The following NRXN1 variants were observed in gnomAD, a reference collection of about 807,000 sequenced individuals.
NRXN1 encodes neurexin-1.
A neutral mutation model predicts 150.9 loss-of-function variants in NRXN1; 39 were observed. That is an observed-to-expected ratio of 0.26 (90% CI 0.20 to 0.34). The LOEUF is 0.34. Among genes scored for constraint, NRXN1 ranks in the 10% least tolerant of loss-of-function variants. The probability of loss-of-function intolerance (pLI) is 1.00; values close to 1 mark genes in which losing one functional copy is unlikely to be tolerated. For synonymous variants in NRXN1, 924 were observed against 757.0 expected (o/e 1.22, Z -3.62); for missense variants, 1,815 against 1,949.9 (o/e 0.93, Z 1.30).
intron 17 of NRXN1, among the ~76,000 whole-genome samples, chr2:50,381,988 C>T (rs2081004492): frequency 6.6e-6 from 1 of 152,064 alleles, no homozygotes; most frequent in African/African-American, 2.4e-5. Flanking sequence ...GTTATTTAGT[C>T]TGACCAACCA....
At chr2:50,627,563 G>A (rs1020933707) in intron 5 of NRXN1, among the ~76,000 whole-genome samples, 7 of 149,786 alleles carry the variant, frequency 4.7e-5, no homozygotes, top group African/African-American at 1.7e-4. Flanking sequence ...AATTCTACAT[G>A]ATGAAGGATT....
At chr2:51,005,489 AG>A (rs1326299092) in intron 2 of NRXN1, among the ~76,000 whole-genome samples, 1 of 152,030 alleles carries the variant, frequency 6.6e-6, no homozygotes, top group African/African-American at 2.4e-5. Flanking sequence ...AATATTTAAC[AG>A]ATAAGCAAGA....
At chr2:50,701,464 C>G (rs1290922293) in intron 5 of NRXN1, among the ~76,000 whole-genome samples, 1 of 152,160 alleles carries the variant, frequency 6.6e-6, no homozygotes, top group South Asian at 2.1e-4. Context: ...CATCAAGGCT[C>G]AGGAAAATTA....
At chr2:50,040,338 T>C (rs944708030) in intron 21 of NRXN1, among the ~76,000 whole-genome samples, 31 of 150,788 alleles carry the variant, frequency 2.1e-4, no homozygotes, top group African/African-American at 6.5e-4. Flanking sequence ...AATTTACATA[T>C]AGTTTTATCT....
At position 50,865,665 on chromosome 2, in the gene NRXN1, T is replaced by TG. The variant is rs1559368618; in HGVS notation, c.832+56203_832+56204insC. ...CCCAGTAAGCATTTGAAAGTTTTTT[T>TG]TTTTTTTTTTTTTTTTTTTTTGGTG... On this transcript the variant is annotated intron_variant, in intron 5 of 22. Coordinates refer to ENST00000401669, the MANE Select transcript of NRXN1 (RefSeq NM_001330078.2). Among the ~76,000 whole-genome samples, 73 of 130,350 alleles carry TG rather than the reference T, an allele frequency of 5.6e-4. 2 individuals are homozygous for TG. Among genetic ancestry groups the TG allele is most frequent in the Non-Finnish European group, 1.0e-3 (61 of 60,166 alleles). 85.5% of individuals were successfully genotyped at this position (130,350 alleles called of 152,430 possible). A position where few individuals can be genotyped will look rare whatever the true frequency, so the allele number is the denominator to read the frequency against.
intron 5 of NRXN1, among the ~76,000 whole-genome samples, chr2:50,774,497 G>C (rs1487865273): frequency 6.6e-6 from 1 of 152,084 alleles, no homozygotes; most frequent in African/African-American, 2.4e-5. Flanking sequence ...CTGTATATTA[G>C]CTGATTGTGA....
chr2:50,664,702 G>T (rs1422717485), intron 5 of NRXN1, among the ~76,000 whole-genome samples: 6 of 151,010 alleles, frequency 4.0e-5, no homozygotes, highest in Non-Finnish European at 8.8e-5. Flanking sequence ...AAAAACCAAA[G>T]CACATACTTT....
intron 9 of NRXN1, among the ~76,000 whole-genome samples, chr2:50,548,493 C>T (rs1342903838): frequency 6.6e-6 from 1 of 151,960 alleles, no homozygotes. Context: ...AAAAGAGTGC[C>T]ATTATTCTCC....
rs3046623 is a variant in NRXN1, at chr2:49,988,619, TAA to T, written c.4129-44830_4129-44829del. 5.7e-4 allele frequency among the ~76,000 whole-genome samples: 73 copies of T among 127,960 alleles called. 1 individual carries two copies. The highest frequency in any genetic ancestry group is 3.3e-3 in the East Asian group (14 of 4,216). 83.9% of individuals were successfully genotyped at this position (127,960 alleles called of 152,430 possible). A position where few individuals can be genotyped will look rare whatever the true frequency, so the allele number is the denominator to read the frequency against. On this transcript the variant is annotated intron_variant, in intron 21 of 22. Coordinates refer to ENST00000401669, the MANE Select transcript of NRXN1 (RefSeq NM_001330078.2). Reference sequence around the variant, plus strand: ...TTTTGGTCTTGACACAGTTAACTATTAAAAAAAAAAAAAAAAAAAAGCCCTGA... The same window carrying T: ...TTTTGGTCTTGACACAGTTAACTATTAAAAAAAAAAAAAAAAAAGCCCTGA...
At chr2:50,636,174 T>C (rs72885642) in intron 5 of NRXN1, among the ~76,000 whole-genome samples, 2,454 of 152,304 alleles carry the variant, frequency 0.016, 83 homozygotes, top group African/African-American at 0.056. Context: ...AATACATGTT[T>C]CTATTGATGG....
intron 18 of NRXN1, among the ~76,000 whole-genome samples, chr2:50,134,542 T>G (rs775605797): frequency 3.3e-5 from 5 of 152,130 alleles, no homozygotes; most frequent in Non-Finnish European, 7.4e-5. Flanking sequence ...TCAGGTTAAG[T>G]GCTGATCAAT....
chr2:50,660,744 G>C (rs900084753), intron 5 of NRXN1, among the ~76,000 whole-genome samples: 4 of 151,956 alleles, frequency 2.6e-5, no homozygotes, highest in African/African-American at 4.8e-5. Context: ...TCTCTGACTT[G>C]AATTTAGGGT....
intron 12 of NRXN1, among the ~76,000 whole-genome samples, chr2:50,525,285 A>G (rs573733186): frequency 6.6e-6 from 1 of 152,314 alleles, no homozygotes; most frequent in African/African-American, 2.4e-5. Flanking sequence ...TTCTTTGATG[A>G]GTTTTAAAAT....
intron 17 of NRXN1, among the ~76,000 whole-genome samples, chr2:50,363,818 A>G (rs1467631735): frequency 6.6e-6 from 1 of 152,242 alleles, no homozygotes; most frequent in Non-Finnish European, 1.5e-5. Flanking sequence ...ACTATTCACA[A>G]TAGCAAAGAC....
At chr2:50,749,732 A>G (rs892661397) in intron 5 of NRXN1, among the ~76,000 whole-genome samples, 2 of 152,112 alleles carry the variant, frequency 1.3e-5, no homozygotes, top group Non-Finnish European at 2.9e-5. Flanking sequence ...GAATTATAAT[A>G]TTTAAGATCT....
At chr2:50,330,889 T>G (rs185846783) in intron 17 of NRXN1, among the ~76,000 whole-genome samples, 1 of 152,284 alleles carries the variant, frequency 6.6e-6, no homozygotes, top group East Asian at 1.9e-4. Flanking sequence ...AGCTGGACAT[T>G]TAATATTCTT....
intron 17 of NRXN1, among the ~76,000 whole-genome samples, chr2:50,313,777 A>G (rs2075367483): frequency 6.6e-6 from 1 of 152,120 alleles, no homozygotes; most frequent in Admixed American, 6.6e-5. Flanking sequence ...TTTAGGGAAG[A>G]AAAAGTATGA....
At chr2:50,192,619 C>T (rs1011883713) in intron 18 of NRXN1, among the ~76,000 whole-genome samples, 9 of 141,342 alleles carry the variant, frequency 6.4e-5, no homozygotes, top group Admixed American at 2.9e-4. Context: ...TTGGGGGGGG[C>T]GGTGGGGGAC....
At chr2:50,014,128 A>G (rs1686181406) in intron 21 of NRXN1, among the ~76,000 whole-genome samples, 2 of 151,734 alleles carry the variant, frequency 1.3e-5, no homozygotes, top group African/African-American at 4.8e-5. Flanking sequence ...GTTTTTAGAA[A>G]TGAGTATGGA....
Sources: gnomAD v4.1 joint callset for allele counts (sites outside exome capture counted in the v4.1 genomes callset) on GRCh38, gnomAD v4.1.1 for gene constraint, MANE v1.5 for transcripts, NCBI Gene and HGNC (gene_info 2026-07-23, HGNC 2026-07-21) for gene names.